EVA1C: variants seen among roughly 807,000 people sequenced by gnomAD.
The protein encoded by EVA1C is protein eva-1 homolog C.
EVA1C carries 25 observed loss-of-function variants against 45.4 expected under a neutral mutation model. The ratio of observed to expected loss-of-function variants is 0.55; its 90% CI spans 0.40 to 0.77. The LOEUF (loss-of-function observed/expected upper bound fraction) is 0.77. EVA1C is among the 30% of genes least tolerant of loss of function. The pLI is 0.00. For missense variants in EVA1C, 479 were observed against 554.8 expected, an observed-to-expected ratio of 0.86 and a Z score of 1.37; for synonymous variants, 190 against 221.2, an observed-to-expected ratio of 0.86 and a Z score of 1.25.
intron 5 of EVA1C, chr21:32,497,316 G>T: frequency 3.1e-6 from 2 of 649,486 alleles, no homozygotes; most frequent in Non-Finnish European, 5.4e-6. Flanking sequence ...AGTTGATATA[G>T]GTGGACTTTT....
At chr21:32,493,746 T>C (rs1034033114) in intron 4 of EVA1C, 3 of 152,096 alleles carry the variant, frequency 2.0e-5, no homozygotes, top group Non-Finnish European at 2.9e-5. Context: ...GATGCTTTCA[T>C]CTGGGTAAAA....
At chr21:32,459,861 C>T (rs2035935379) in intron 3 of EVA1C, among the ~76,000 whole-genome samples, 1 of 139,966 alleles carries the variant, frequency 7.1e-6, no homozygotes, top group East Asian at 2.1e-4. Flanking sequence ...AAAAAAAAAG[C>T]GGCCCTTGTT....
intron 3 of EVA1C, among the ~76,000 whole-genome samples, chr21:32,464,905 G>T (rs563422588): frequency 6.6e-6 from 1 of 152,260 alleles, no homozygotes; most frequent in Admixed American, 6.5e-5. Flanking sequence ...CTGACACCAG[G>T]ATAAGAAGAT....
intron 3 of EVA1C, among the ~76,000 whole-genome samples, chr21:32,466,549 C>T (rs2833844): frequency 0.38 from 57,765 of 151,530 alleles, 11,445 homozygotes; most frequent in East Asian, 0.52. Flanking sequence ...CAACTTTGTA[C>T]GACATTGCAA....
intron 3 of EVA1C, among the ~76,000 whole-genome samples, chr21:32,458,675 T>TA (rs2035882991): frequency 6.6e-6 from 1 of 151,430 alleles, no homozygotes; most frequent in South Asian, 2.1e-4. Flanking sequence ...GAGAGAGGGT[T>TA]TTGCCATGTT....
intron 1 of EVA1C, among the ~76,000 whole-genome samples, chr21:32,443,430 G>A (rs569576508): frequency 6.6e-6 from 1 of 152,238 alleles, no homozygotes. Flanking sequence ...CCAGCTACTT[G>A]TGAGGCTGAG....
intron 3 of EVA1C, among the ~76,000 whole-genome samples, 168 bp from the exon 4 acceptor site, chr21:32,467,528 G>A (rs2036217475): frequency 1.3e-5 from 2 of 152,192 alleles, no homozygotes; most frequent in South Asian, 4.1e-4. Context: ...GCTTCCTGCA[G>A]AGGGCTTTGT....
chr21:32,413,621 T>C (rs1474309059), intron 1 of EVA1C, among the ~76,000 whole-genome samples: 1 of 152,190 alleles, frequency 6.6e-6, no homozygotes, highest in African/African-American at 2.4e-5. Context: ...AATGACTTCC[T>C]ACTCTCGAAT....
chr21:32,476,499 C>T (rs2036569907), intron 4 of EVA1C, among the ~76,000 whole-genome samples: 1 of 151,930 alleles, frequency 6.6e-6, no homozygotes, highest in African/African-American at 2.4e-5. Context: ...AAATTAACCA[C>T]ATGTGGTGGC....
chr21:32,419,765 T>C (rs934305731), intron 1 of EVA1C, among the ~76,000 whole-genome samples: 5 of 147,476 alleles, frequency 3.4e-5, no homozygotes, highest in Admixed American at 2.7e-4. Context: ...AAAAACATAC[T>C]GTCACTGAAG....
intron 1 of EVA1C, among the ~76,000 whole-genome samples, chr21:32,442,415 C>G (rs908615840): frequency 1.3e-5 from 2 of 152,080 alleles, no homozygotes; most frequent in Non-Finnish European, 2.9e-5. Flanking sequence ...GTGTGTAGTG[C>G]CAGTCCTGAG....
intron 6 of EVA1C, among the ~76,000 whole-genome samples, chr21:32,502,980 C>A (rs1229443458): frequency 6.6e-6 from 1 of 152,152 alleles, no homozygotes. Flanking sequence ...ACAGCCTGGT[C>A]CCCCTGCAGT....
intron 1 of EVA1C, among the ~76,000 whole-genome samples, chr21:32,415,564 T>G (rs2146090972): frequency 1.3e-5 from 2 of 152,136 alleles, no homozygotes; most frequent in South Asian, 4.1e-4. Flanking sequence ...TCAGCTGGTG[T>G]CGTTTTCCTG....
At chr21:32,457,562 T>C (rs1198150154) in intron 2 of EVA1C, 35 bp from the exon 3 acceptor site, 1 of 1,613,562 alleles carries the variant, frequency 6.2e-7, no homozygotes, top group South Asian at 1.1e-5. Flanking sequence ...GTGAGCAGTT[T>C]TCAAGCCTGT....
At chr21:32,490,241 C>T (rs2037111554) in intron 4 of EVA1C, among the ~76,000 whole-genome samples, 1 of 152,072 alleles carries the variant, frequency 6.6e-6, no homozygotes, top group African/African-American at 2.4e-5. Context: ...TTGCTCCCTC[C>T]CTTAGCTCCT....
chr21:32,514,996 G>C lies in EVA1C; in HGVS notation c.1132G>C (p.Glu378Gln). 1 of 1,614,146 alleles carries C rather than the reference G, an allele frequency of 6.2e-7. No individual in the cohort carries two copies. The highest frequency in any genetic ancestry group is 1.3e-5 in the African/African-American group (1 of 75,044). Residue 378 changes from glutamate (E) to glutamine (Q), a missense_variant, in exon 8 of 8, where the codon GAG becomes CAG. Glu to Gln is a conservative substitution (Grantham distance 29, BLOSUM62 2). Around this residue, in one of 3 missense-constraint regions of EVA1C, gnomAD observed 366 missense variants for 426.1 expected, o/e 0.86. Transcript: ENST00000300255. ...GGAGGACAGCGAGGATGAAGAAGAG[G>C]AGGAGGACCCCTCTGAGTCTGATTT... ...VEEDSEDEEE[E>Q]EDPSESDFPG... is the part of the protein sequence containing the mutation.
intron 3 of EVA1C, among the ~76,000 whole-genome samples, chr21:32,460,141 G>T (rs567610786): frequency 6.6e-6 from 1 of 152,282 alleles, no homozygotes; most frequent in Non-Finnish European, 1.5e-5. Context: ...AATATGAAGA[G>T]AACTCACATC....
chr21:32,412,700 G>A (rs1270791615), upstream of EVA1C: 1 of 698,428 alleles, frequency 1.4e-6, no homozygotes, highest in Non-Finnish European at 2.1e-6. Flanking sequence ...GCTGGCCCGC[G>A]CAGGGGAGGA....
At chr21:32,467,947 A>C (rs2036238188) in intron 4 of EVA1C, 99 bp downstream of exon 4, 1 of 791,668 alleles carries the variant, frequency 1.3e-6, no homozygotes, top group East Asian at 3.6e-5. Context: ...TATGATTGTG[A>C]AAGTCAATAC....
Sources: allele counts gnomAD v4.1 joint callset (sites outside exome capture counted in the v4.1 genomes callset), GRCh38; gene constraint gnomAD v4.1.1; regional missense constraint gnomAD v4.1.1; transcripts MANE v1.5; gene names NCBI Gene and HGNC (gene_info 2026-07-23, HGNC 2026-07-21).